CAMKMT: variants seen among roughly 807,000 people sequenced by gnomAD.
CAMKMT encodes calmodulin-lysine N-methyltransferase, also known as CaM KMT.
Under a neutral mutation model 48.0 loss-of-function variants are expected in CAMKMT, and 53 were observed. The observed-to-expected ratio is 1.10, with a 90% CI of 0.89 to 1.39. The LOEUF (loss-of-function observed/expected upper bound fraction) is 1.39, where lower values mean the gene tolerates loss of function less well. Among genes scored for constraint, CAMKMT ranks in the 40% most tolerant of loss-of-function variants. CAMKMT has a pLI of 0.00. For synonymous variants in CAMKMT, 165 were observed against 152.3 expected (o/e 1.08, Z -0.61); for missense variants, 428 against 402.7 (o/e 1.06, Z -0.54).
At chr2:44,434,268 A>C (rs949976772) in intron 3 of CAMKMT, among the ~76,000 whole-genome samples, 3 of 151,904 alleles carry the variant, frequency 2.0e-5, no homozygotes, top group Admixed American at 6.6e-5. Flanking sequence ...CATTGATAGA[A>C]TATTTTAGAC....
In CAMKMT at chr2:44,517,801, A is replaced by G. The variant is rs891542624; in HGVS notation, c.376+127496A>G. Among the ~76,000 whole-genome samples, 9 of 152,354 alleles carry G rather than the reference A, an allele frequency of 5.9e-5. 1 individual carries two copies. In the East Asian group the frequency reaches 7.7e-4, roughly 13 times the overall value. On this transcript the variant is annotated intron_variant, in intron 3 of 10. Coordinates refer to ENST00000378494, the MANE Select transcript of CAMKMT (RefSeq NM_024766.5). ...TCATCAACAATTAGTTGACATCTCT[A>G]TCACACCTATTACTGAGTTGAAATT...
chr2:44,374,096 T>C (rs1194083313), intron 2 of CAMKMT, among the ~76,000 whole-genome samples: 1 of 119,414 alleles, frequency 8.4e-6, no homozygotes, highest in Non-Finnish European at 1.6e-5. Context: ...CTAGCCTGGA[T>C]GACAGAGTAA....
At chr2:44,580,409 G>GA (rs1049972722) in intron 3 of CAMKMT, among the ~76,000 whole-genome samples, 2 of 151,496 alleles carry the variant, frequency 1.3e-5, no homozygotes, top group Admixed American at 1.3e-4. Flanking sequence ...TGATGTATGT[G>GA]AAAAAAAAGA....
intron 3 of CAMKMT, among the ~76,000 whole-genome samples, chr2:44,405,218 T>C (rs1682699316): frequency 6.6e-6 from 1 of 152,104 alleles, no homozygotes; most frequent in South Asian, 2.1e-4. Context: ...CTCTAGCTCA[T>C]AAAGACAGAT....
intron 3 of CAMKMT, among the ~76,000 whole-genome samples, chr2:44,414,382 C>T (rs1041056140): frequency 6.6e-6 from 1 of 152,064 alleles, no homozygotes; most frequent in Non-Finnish European, 1.5e-5. Flanking sequence ...CTGAGGTTGC[C>T]GTTATCTCAG....
At chr2:44,633,350 A>G (rs1402446143) in intron 3 of CAMKMT, among the ~76,000 whole-genome samples, 7 of 152,106 alleles carry the variant, frequency 4.6e-5, no homozygotes, top group Non-Finnish European at 1.0e-4. Context: ...TATTCCTTTG[A>G]ATATATTTCT....
chr2:44,599,406 A>G lies in CAMKMT; in HGVS notation c.377-104877A>G, dbSNP rs1227570667. Among the ~76,000 whole-genome samples, 12 of 152,128 alleles carry G rather than the reference A, an allele frequency of 7.9e-5. No homozygotes were observed. The East Asian group carries it at 2.3e-3, about 29-fold the overall frequency. ...GAACCAACCTCTGTCAACATTTTAT[A>G]GCTACTGCACTGGTTACAGCTAATC... On this transcript the variant is annotated intron_variant, in intron 3 of 10. Transcript: ENST00000378494.
intron 3 of CAMKMT, among the ~76,000 whole-genome samples, chr2:44,609,167 G>C (rs1243503744): frequency 2.0e-5 from 3 of 152,194 alleles, no homozygotes; most frequent in Non-Finnish European, 2.9e-5. Context: ...CGAAGTAGAG[G>C]GTAGAATGGC....
chr2:44,652,526 G>T (rs575822107), intron 3 of CAMKMT, among the ~76,000 whole-genome samples: 4 of 152,276 alleles, frequency 2.6e-5, no homozygotes, highest in Admixed American at 1.3e-4. Flanking sequence ...CTCTATGGTT[G>T]ACTAGGCTTT....
intron 3 of CAMKMT, among the ~76,000 whole-genome samples, chr2:44,649,801 A>G (rs536500032): frequency 2.6e-5 from 4 of 152,326 alleles, no homozygotes; most frequent in East Asian, 3.9e-4. Flanking sequence ...CTTAGTATCA[A>G]GCGGGTCACT....
At chr2:44,753,249 C>CAAAAA (rs772390371) in intron 8 of CAMKMT, among the ~76,000 whole-genome samples, 51 of 65,362 alleles carry the variant, frequency 7.8e-4, no homozygotes, top group African/African-American at 1.7e-3. Flanking sequence ...CCTGTCCCTA[C>CAAAAA]AAAAAAAAAA....
intron 3 of CAMKMT, among the ~76,000 whole-genome samples, chr2:44,600,701 C>G (rs918621299): frequency 2.0e-5 from 3 of 152,142 alleles, no homozygotes. Flanking sequence ...TCTGTGCACA[C>G]AAACTGTTCC....
intron 3 of CAMKMT, among the ~76,000 whole-genome samples, chr2:44,572,286 A>G (rs931361806): frequency 1.3e-5 from 2 of 152,136 alleles, no homozygotes; most frequent in African/African-American, 2.4e-5. Flanking sequence ...GGCTCAAGCA[A>G]TCTTCCCATC....
intron 3 of CAMKMT, among the ~76,000 whole-genome samples, chr2:44,576,147 T>A (rs1669205554): frequency 1.3e-5 from 2 of 151,662 alleles, no homozygotes; most frequent in South Asian, 4.1e-4. Context: ...GCTAACATGG[T>A]GAAACCCCAT....
intron 1 of CAMKMT, among the ~76,000 whole-genome samples, chr2:44,370,975 T>C (rs1426292251): frequency 6.6e-6 from 1 of 152,094 alleles, no homozygotes; most frequent in Non-Finnish European, 1.5e-5. Flanking sequence ...CACATCCTAC[T>C]AATTATTTTT....
At chr2:44,723,506 G>A (rs759311779) in intron 7 of CAMKMT, among the ~76,000 whole-genome samples, 1 of 151,844 alleles carries the variant, frequency 6.6e-6, no homozygotes, top group Non-Finnish European at 1.5e-5. Flanking sequence ...CAGGAGAATT[G>A]CTTGAACCTG....
intron 3 of CAMKMT, among the ~76,000 whole-genome samples, chr2:44,540,719 C>A (rs1037212779): frequency 6.6e-6 from 1 of 152,194 alleles, no homozygotes; most frequent in Non-Finnish European, 1.5e-5. Context: ...CCACTGCACT[C>A]CAGCCTGGGC....
intron 3 of CAMKMT, among the ~76,000 whole-genome samples, chr2:44,475,465 G>A (rs917839937): frequency 8.6e-5 from 13 of 151,948 alleles, no homozygotes; most frequent in South Asian, 2.1e-4. Context: ...TTACAGGTGC[G>A]TGCCACCACA....
In CAMKMT at chr2:44,725,143, C is replaced by CGTGTGTGTGTGTGTGT. The variant is rs4039394; in HGVS notation, c.623+9813_623+9828dup. 8.5e-3 allele frequency among the ~76,000 whole-genome samples: 1,196 copies of CGTGTGTGTGTGTGTGT among 140,574 alleles called. 13 individuals carry two copies. The highest frequency in any genetic ancestry group is 0.025 in the Admixed American group (349 of 14,092). 92.2% of individuals were successfully genotyped at this position (140,574 alleles called of 152,430 possible). ...TTACAGCATTGTCTTGCTTTCTGGA[C>CGTGTGTGTGTGTGTGT]GTGTGTGTGTGTGTGTGTGTGTGTG... On this transcript the variant is annotated intron_variant, in intron 7 of 10. Transcript: ENST00000378494.
Sources: allele counts gnomAD v4.1 joint callset (sites outside exome capture counted in the v4.1 genomes callset), GRCh38; gene constraint gnomAD v4.1.1; transcripts MANE v1.5; gene names NCBI Gene and HGNC (gene_info 2026-07-23, HGNC 2026-07-21).